DLG1: variants seen among roughly 807,000 people sequenced by gnomAD.
The protein encoded by DLG1 is discs large MAGUK scaffold protein 1, also known as disks large homolog 1.
Under a neutral mutation model 123.4 loss-of-function variants are expected in DLG1, and 42 were observed. The observed-to-expected ratio is 0.34, with a 90% CI of 0.27 to 0.44. The LOEUF (loss-of-function observed/expected upper bound fraction) is 0.44, where lower values mean the gene tolerates loss of function less well. DLG1 is among the 20% of genes least tolerant of loss of function. The pLI, the probability that DLG1 is intolerant of heterozygous loss-of-function variation, is 1.00. For missense variants in DLG1, 942 were observed against 1,082.6 expected, an observed-to-expected ratio of 0.87 and a Z score of 1.82; for synonymous variants, 317 against 356.2, an observed-to-expected ratio of 0.89 and a Z score of 1.24.
At chr3:197,073,799 A>G (rs114370912) in intron 18 of DLG1, among the ~76,000 whole-genome samples, 31 of 151,998 alleles carry the variant, frequency 2.0e-4, no homozygotes, top group African/African-American at 7.3e-4. Context: ...TACAGCAGAT[A>G]TACATTTTTT....
chr3:197,076,544 C>T, intron 18 of DLG1, 42 bp downstream of exon 18: 1 of 1,505,762 alleles, frequency 6.6e-7, no homozygotes, highest in Non-Finnish European at 9.2e-7. Context: ...GTAGGTCCCT[C>T]TCCATTTTAT....
rs534906832 is a variant in DLG1, at chr3:197,147,130, AT to A, written c.537+2612del. 6.8e-3 allele frequency among the ~76,000 whole-genome samples: 1,031 copies of A among 152,218 alleles called. 5 individuals carry two copies. Among genetic ancestry groups the A allele is most frequent in the Non-Finnish European group, 0.012 (819 of 67,972 alleles). On this transcript the variant is annotated intron_variant, in intron 6 of 24. Transcript: ENST00000667157. ...CTGCAAGAATGGTCATCATAAAAAA[AT>A]AAAAAAAAATAGATGTTGGCGTGGA...
chr3:197,250,568 C>CAA (rs201198758), intron 4 of DLG1, among the ~76,000 whole-genome samples: 4 of 72,996 alleles, frequency 5.5e-5, no homozygotes, highest in East Asian at 3.9e-4. Context: ...GACTCCGTCT[C>CAA]AAAAAAAAAA....
chr3:197,226,865 CT>C (rs1740241363), intron 4 of DLG1, among the ~76,000 whole-genome samples: 1 of 152,148 alleles, frequency 6.6e-6, no homozygotes, highest in Non-Finnish European at 1.5e-5. Context: ...TTAATCAACC[CT>C]TTGGCAGAAA....
intron 6 of DLG1, among the ~76,000 whole-genome samples, chr3:197,144,187 A>G (rs1370321996): frequency 6.6e-6 from 1 of 152,218 alleles, no homozygotes; most frequent in Non-Finnish European, 1.5e-5. Context: ...CTTTGACTAA[A>G]ATAAATGTGG....
At chr3:197,134,284 T>C (rs189956363) in intron 10 of DLG1, among the ~76,000 whole-genome samples, 5 of 152,214 alleles carry the variant, frequency 3.3e-5, no homozygotes, top group Admixed American at 3.3e-4. Context: ...AAACAGGATG[T>C]AGAACAAAGG....
chr3:197,198,147 C>A (rs114129177), intron 4 of DLG1, among the ~76,000 whole-genome samples: 3 of 141,752 alleles, frequency 2.1e-5, no homozygotes, highest in Admixed American at 7.0e-5. Context: ...ACAAAACAAA[C>A]AAAAAAATAC....
In DLG1 at chr3:197,216,101, T is replaced by C. The variant is rs111541212; in HGVS notation, c.319-21512A>G. On this transcript the variant is annotated intron_variant, in intron 4 of 24. Transcript: ENST00000667157. ...AAAGCAATTCTAAATATTTTAAAGA[T>C]TGCTTTTCCAATATTGTTACTCTTT... Among the ~76,000 whole-genome samples, 1,239 of 152,310 alleles carry C rather than the reference T, an allele frequency of 8.1e-3. 13 individuals carry two copies. Among genetic ancestry groups the C allele is most frequent in the African/African-American group, 0.027 (1,130 of 41,572 alleles).
At chr3:197,268,975 G>A (rs1762836950) in intron 4 of DLG1, among the ~76,000 whole-genome samples, 1 of 152,084 alleles carries the variant, frequency 6.6e-6, no homozygotes, top group South Asian at 2.1e-4. Context: ...ACCACTGAAA[G>A]GTCTTCAGAG....
chr3:197,149,717 C>A (rs1303342976), intron 6 of DLG1, 26 bp downstream of exon 6: 1 of 1,487,282 alleles, frequency 6.7e-7, no homozygotes, highest in East Asian at 2.3e-5. Context: ...AGAATTACTT[C>A]AATGTGGGGA....
chr3:197,269,981 C>A (rs779585469), intron 4 of DLG1, among the ~76,000 whole-genome samples: 1 of 152,094 alleles, frequency 6.6e-6, no homozygotes, highest in African/African-American at 2.4e-5. Context: ...TTTCTTCTCA[C>A]GCGATATTTC....
At chr3:197,067,755 C>T (rs1740699521) in intron 19 of DLG1, among the ~76,000 whole-genome samples, 1 of 152,036 alleles carries the variant, frequency 6.6e-6, no homozygotes, top group South Asian at 2.1e-4. Flanking sequence ...TAGGGTTTCT[C>T]CACGTTGGTC....
rs79745432 is a variant in DLG1, at chr3:197,260,680, G to T, written c.318+21999C>A. Among the ~76,000 whole-genome samples, 258 of 135,920 alleles carry T rather than the reference G, an allele frequency of 1.9e-3. 3 individuals are homozygous for T. The highest frequency in any genetic ancestry group is 7.7e-3 in the South Asian group (33 of 4,304). The allele number at this position is 135,920 out of a possible 152,430, so 89.2% of individuals were successfully genotyped here. The stretch of plus-strand genomic sequence containing the variant: ...ATCTGATGAAATGCTCCACAAAGAG[G>T]TTCCCCCGATATAAATTTAAATCTG... On this transcript the variant is annotated intron_variant, in intron 4 of 24. Coordinates refer to ENST00000667157, the MANE Select transcript of DLG1 (RefSeq NM_001366207.1).
intron 4 of DLG1, among the ~76,000 whole-genome samples, chr3:197,277,129 C>T (rs1327538969): frequency 6.6e-6 from 1 of 151,708 alleles, no homozygotes; most frequent in South Asian, 2.1e-4. Context: ...TGAGCTTAAG[C>T]GATCTGCCCA....
At chr3:197,266,705 T>C (rs566307522) in intron 4 of DLG1, among the ~76,000 whole-genome samples, 1 of 152,168 alleles carries the variant, frequency 6.6e-6, no homozygotes, top group Admixed American at 6.5e-5. Flanking sequence ...CTGAGATTAA[T>C]AGTATACTAG....
chr3:197,243,809 T>C (rs1267245660), intron 4 of DLG1, among the ~76,000 whole-genome samples: 1 of 152,182 alleles, frequency 6.6e-6, no homozygotes, highest in African/African-American at 2.4e-5. Flanking sequence ...GACCCTGCAG[T>C]TATCTGATTT....
At chr3:197,251,740 T>A (rs773969965) in intron 4 of DLG1, among the ~76,000 whole-genome samples, 29 of 152,138 alleles carry the variant, frequency 1.9e-4, no homozygotes, top group Non-Finnish European at 3.4e-4. Flanking sequence ...ACTCACAGAA[T>A]GGGAGAAAAT....
intron 13 of DLG1, among the ~76,000 whole-genome samples, chr3:197,107,572 CA>C (rs569508832): frequency 3.4e-4 from 48 of 142,834 alleles, no homozygotes; most frequent in African/African-American, 4.6e-4. Flanking sequence ...AAACCAAACC[CA>C]AAAAAAAAAG....
At chr3:197,074,061 GT>G (rs1745746640) in intron 18 of DLG1, among the ~76,000 whole-genome samples, 1 of 152,038 alleles carries the variant, frequency 6.6e-6, no homozygotes, top group African/African-American at 2.4e-5. Context: ...CTTCTTCCCA[GT>G]ATTTACTACT....
Sources: allele counts gnomAD v4.1 joint callset (sites outside exome capture counted in the v4.1 genomes callset), GRCh38; gene constraint gnomAD v4.1.1; transcripts MANE v1.5; gene names NCBI Gene and HGNC (gene_info 2026-07-23, HGNC 2026-07-21).